The following SLC38A1 variants were observed in gnomAD, a reference collection of about 807,000 sequenced individuals.
SLC38A1 encodes the protein sodium-coupled neutral amino acid symporter 1.
SLC38A1 carries 18 observed loss-of-function variants against 60.3 expected under a neutral mutation model. The ratio of observed to expected loss-of-function variants is 0.30; its 90% CI spans 0.21 to 0.44. SLC38A1 has a LOEUF of 0.44. Among genes scored for constraint, SLC38A1 ranks in the 20% least tolerant of loss-of-function variants. The probability of loss-of-function intolerance (pLI) is 1.00; values close to 1 mark genes in which losing one functional copy is unlikely to be tolerated. For missense variants in SLC38A1, 448 were observed against 587.2 expected (o/e 0.76, Z 2.45); for synonymous variants, 196 against 212.1 (o/e 0.92, Z 0.66).
At chr12:46,193,820 T>C (rs1221291283) in intron 16 of SLC38A1, among the ~76,000 whole-genome samples, 1 of 152,182 alleles carries the variant, frequency 6.6e-6, no homozygotes, top group East Asian at 1.9e-4. Context: ...TTTGAGCCTA[T>C]GTGCATCTTT....
At chr12:46,250,289 G>A (rs1356959078) in intron 1 of SLC38A1, among the ~76,000 whole-genome samples, 4 of 152,058 alleles carry the variant, frequency 2.6e-5, no homozygotes, top group Admixed American at 6.5e-5. Flanking sequence ...ATTCAACAGC[G>A]CTTCAGGCTA....
At chr12:46,243,102 T>A (rs969828518) in intron 2 of SLC38A1, 98 bp downstream of exon 2, 3 of 151,396 alleles carry the variant, frequency 2.0e-5, no homozygotes, top group Admixed American at 6.6e-5. Flanking sequence ...TATTAAAAAA[T>A]AAATGAATTA....
chr12:46,195,539 T>C (rs1565748904), intron 16 of SLC38A1, among the ~76,000 whole-genome samples: 1 of 152,212 alleles, frequency 6.6e-6, no homozygotes, highest in African/African-American at 2.4e-5. Context: ...TGCCATGCCC[T>C]GCCTCCAGAG....
intron 16 of SLC38A1, 131 bp downstream of exon 16, chr12:46,197,589 G>A: frequency 1.3e-5 from 9 of 679,058 alleles, no homozygotes; most frequent in Non-Finnish European, 1.8e-5. Flanking sequence ...CTCCCAAGTA[G>A]CAAAGCTACA....
chr12:46,197,891 T>G (rs373274606), intron 15 of SLC38A1, 28 bp downstream of exon 15: 2 of 1,610,392 alleles, frequency 1.2e-6, no homozygotes, highest in Non-Finnish European at 1.7e-6. Context: ...TACTGTAGAA[T>G]GACAAGCACA....
In SLC38A1 at chr12:46,239,773, A is replaced by T. The variant is rs1565784833; in HGVS notation, c.28T>A (p.Leu10Ile). Residue 10 changes from leucine (L) to isoleucine (I), a missense_variant, in exon 3 of 17, where the codon TTA becomes ATA. By Grantham distance (5) the Leu-to-Ile change is conservative. Coordinates refer to ENST00000398637, the MANE Select transcript of SLC38A1 (RefSeq NM_030674.4). Reference protein sequence around the residue: MMHFKSGLELTELQNMTVPE... With the variant: MMHFKSGLEITELQNMTVPE... ...ACTGTCATGTTTTGCAACTCAGTTA[A>T]TTCGAGTCCACTTTTGAAATGCATC... The T allele has an allele frequency of 6.2e-7, 1 of 1,613,180 alleles. No homozygotes were observed. Among genetic ancestry groups the T allele is most frequent in the Non-Finnish European group, 8.5e-7 (1 of 1,179,966 alleles).
chr12:46,227,146 A>G (rs1228012621), intron 5 of SLC38A1, among the ~76,000 whole-genome samples: 1 of 152,226 alleles, frequency 6.6e-6, no homozygotes, highest in East Asian at 1.9e-4. Flanking sequence ...AAGGAAATAG[A>G]GCAATACCTT....
At position 46,198,678 on chromosome 12, in the gene SLC38A1, G is replaced by T. The variant is rs200382545; in HGVS notation, c.1069C>A (p.Arg357=). The change falls in exon 14 of 17, where the codon CGG becomes AGG. Residue 357 remains arginine, a synonymous_variant. Coordinates refer to ENST00000398637, the MANE Select transcript of SLC38A1 (RefSeq NM_030674.4). ...SKDDILILTV[R]LAVIVAVILT... Reference sequence around the variant, plus strand: ...ATCACAGCAACAATGACAGCCAGCCGCACTGTCAGGATGAGAATGTCATCT... The same window carrying T: ...ATCACAGCAACAATGACAGCCAGCCTCACTGTCAGGATGAGAATGTCATCT... 230 of 1,613,382 alleles carry T rather than the reference G, an allele frequency of 1.4e-4. 1 individual carries two copies. In the African/African-American group the frequency reaches 2.3e-3, roughly 16 times the overall value.
At chr12:46,236,108 ATGAATTTCC>A (rs1941249365) in intron 3 of SLC38A1, among the ~76,000 whole-genome samples, 1 of 152,206 alleles carries the variant, frequency 6.6e-6, no homozygotes, top group Non-Finnish European at 1.5e-5. Context: ...AGTACTTTAC[ATGAATTTCC>A]TCATTTATTT....
chr12:46,236,637 G>C (rs1027694343), intron 3 of SLC38A1, among the ~76,000 whole-genome samples: 4 of 152,072 alleles, frequency 2.6e-5, no homozygotes, highest in African/African-American at 9.7e-5. Flanking sequence ...TAGACACTAG[G>C]ATAGGCAGTC....
intron 5 of SLC38A1, among the ~76,000 whole-genome samples, chr12:46,218,227 A>C (rs1478208133): frequency 1.3e-5 from 2 of 151,920 alleles, no homozygotes; most frequent in African/African-American, 2.4e-5. Flanking sequence ...AACTCTTGAC[A>C]CTCTTGATGT....
At chr12:46,239,625 G>A in intron 3 of SLC38A1, 54 bp downstream of exon 3, 2 of 1,603,062 alleles carry the variant, frequency 1.2e-6, no homozygotes, top group African/African-American at 1.3e-5. Context: ...TTACAGGTGT[G>A]AGCCACGAGC....
chr12:46,258,044 T>C (rs938703352), intron 1 of SLC38A1, among the ~76,000 whole-genome samples: 8 of 152,320 alleles, frequency 5.3e-5, no homozygotes, highest in African/African-American at 1.7e-4. Flanking sequence ...TTTTAGACCA[T>C]ATAGGGTTCC....
intron 5 of SLC38A1, among the ~76,000 whole-genome samples, chr12:46,214,541 A>G (rs1940318427): frequency 1.3e-5 from 2 of 152,224 alleles, no homozygotes. Context: ...AACAAATAAA[A>G]CCAAAACATT....
intron 1 of SLC38A1, among the ~76,000 whole-genome samples, chr12:46,257,700 T>C (rs535309365): frequency 6.6e-6 from 1 of 152,322 alleles, no homozygotes; most frequent in East Asian, 1.9e-4. Context: ...ACCCCACCAC[T>C]TACCCAAAGC....
At chr12:46,213,428 C>T (rs1164317449) in intron 5 of SLC38A1, among the ~76,000 whole-genome samples, 2 of 152,182 alleles carry the variant, frequency 1.3e-5, no homozygotes, top group Admixed American at 6.5e-5. Flanking sequence ...ATCCTTTTTA[C>T]TTATATATCA....
intron 3 of SLC38A1, among the ~76,000 whole-genome samples, chr12:46,233,087 T>C (rs1941135934): frequency 6.6e-6 from 1 of 152,102 alleles, no homozygotes; most frequent in Non-Finnish European, 1.5e-5. Context: ...GACACAATCA[T>C]AGCTCACTGT....
chr12:46,209,900 A>T (rs1289304277), intron 5 of SLC38A1, among the ~76,000 whole-genome samples: 1 of 152,240 alleles, frequency 6.6e-6, no homozygotes, highest in East Asian at 1.9e-4. Context: ...GTTAAAACAG[A>T]CATGATAATT....
intron 16 of SLC38A1, 37 bp from the exon 17 acceptor site, chr12:46,189,108 A>T (rs765643010): frequency 1.3e-6 from 2 of 1,576,560 alleles, no homozygotes; most frequent in African/African-American, 2.7e-5. Context: ...TTTTCAGTGC[A>T]GCAAAATTTT....
Sources: gnomAD v4.1 joint callset for allele counts (sites outside exome capture counted in the v4.1 genomes callset) on GRCh38, gnomAD v4.1.1 for gene constraint, MANE v1.5 for transcripts, NCBI Gene and HGNC (gene_info 2026-07-23, HGNC 2026-07-21) for gene names.